Variants in FNIP1 observed in about 807,000 individuals in gnomAD.
FNIP1 encodes folliculin interacting protein 1.
A neutral mutation model predicts 124.5 loss-of-function variants in FNIP1; 40 were observed. The observed-to-expected ratio is 0.32, with a 90% CI of 0.25 to 0.42. The LOEUF (loss-of-function observed/expected upper bound fraction) is 0.42, where lower values mean the gene tolerates loss of function less well. Among genes scored for constraint, FNIP1 ranks in the 10% least tolerant of loss-of-function variants. The probability of loss-of-function intolerance (pLI) is 1.00; values close to 1 mark genes in which losing one functional copy is unlikely to be tolerated. For synonymous variants in FNIP1, 472 were observed against 470.6 expected (o/e 1.00, Z -0.04); for missense variants, 1,176 against 1,403.7 (o/e 0.84, Z 2.59).
At chr5:131,794,229 T>TA (rs60617618) in intron 1 of FNIP1, among the ~76,000 whole-genome samples, 1,967 of 48,350 alleles carry the variant, frequency 0.041, 83 homozygotes, top group Non-Finnish European at 0.062. Context: ...AGACTCCATC[T>TA]AAAAAAAAAA....
At chr5:131,721,622 C>A (rs929305292) in intron 3 of FNIP1, among the ~76,000 whole-genome samples, 2 of 152,106 alleles carry the variant, frequency 1.3e-5, no homozygotes, top group Non-Finnish European at 1.5e-5. Flanking sequence ...CATGGTGAAA[C>A]CCCATCTCTG....
chr5:131,735,454 A>ATTTTATATATATAT (rs59744675), intron 2 of FNIP1, among the ~76,000 whole-genome samples: 145,929 of 147,474 alleles, frequency 0.99, 72,208 homozygotes, highest in East Asian at 1. Context: ...AACTTAAAGT[A>ATTTTATATATATAT]TTTTATATAT....
intron 11 of FNIP1, among the ~76,000 whole-genome samples, chr5:131,684,700 A>C (rs1026694263): frequency 1.1e-4 from 16 of 152,228 alleles, no homozygotes; most frequent in African/African-American, 3.9e-4. Flanking sequence ...AAAATCTAAA[A>C]GCAAGATCAG....
At chr5:131,767,376 C>T (rs1056411241) in intron 1 of FNIP1, among the ~76,000 whole-genome samples, 3 of 130,974 alleles carry the variant, frequency 2.3e-5, no homozygotes, top group African/African-American at 8.5e-5. Context: ...CTGCAGTAAG[C>T]CAAGATTGCA....
chr5:131,697,781 C>G (rs1333988097), intron 11 of FNIP1, among the ~76,000 whole-genome samples: 1 of 151,470 alleles, frequency 6.6e-6, no homozygotes, highest in East Asian at 1.9e-4. Context: ...GCCTGGCCAA[C>G]ATGGTGAAAC....
intron 1 of FNIP1, among the ~76,000 whole-genome samples, chr5:131,755,701 C>G (rs1023965566): frequency 6.6e-5 from 10 of 151,852 alleles, no homozygotes; most frequent in Non-Finnish European, 1.3e-4. Context: ...CATGGTAAAG[C>G]ACTGTTACAA....
intron 8 of FNIP1, 115 bp from the exon 9 acceptor site, chr5:131,706,661 CT>C: frequency 9.2e-7 from 1 of 1,090,678 alleles, no homozygotes; most frequent in South Asian, 2.3e-5. Context: ...CTTCATGAGC[CT>C]CAAAAATGTT....
chr5:131,647,000 C>A, intron 17 of FNIP1, 90 bp downstream of exon 17: 1 of 1,093,934 alleles, frequency 9.1e-7, no homozygotes, highest in Non-Finnish European at 1.4e-6. Flanking sequence ...GGAGAAGACA[C>A]GTAAAAGGAA....
chr5:131,786,331 T>C (rs1393457619), intron 1 of FNIP1, among the ~76,000 whole-genome samples: 1 of 152,168 alleles, frequency 6.6e-6, no homozygotes. Flanking sequence ...AGTATTAATA[T>C]AGATATATAA....
intron 2 of FNIP1, among the ~76,000 whole-genome samples, chr5:131,737,917 A>C (rs914167110): frequency 3.9e-5 from 6 of 152,196 alleles, no homozygotes; most frequent in African/African-American, 1.4e-4. Context: ...GGCACCAGGC[A>C]CCAGTTTCGT....
intron 8 of FNIP1, among the ~76,000 whole-genome samples, chr5:131,707,793 A>C (rs970817116): frequency 1.8e-4 from 28 of 152,292 alleles, no homozygotes; most frequent in African/African-American, 6.7e-4. Context: ...CATTAACTTA[A>C]ATGGCATATA....
intron 1 of FNIP1, among the ~76,000 whole-genome samples, chr5:131,771,698 C>T (rs958630363): frequency 3.3e-5 from 5 of 152,188 alleles, no homozygotes; most frequent in African/African-American, 1.2e-4. Flanking sequence ...TCCACGTCTA[C>T]AGAGTTGATC....
intron 1 of FNIP1, among the ~76,000 whole-genome samples, chr5:131,773,747 A>G (rs576138305): frequency 2.0e-5 from 3 of 152,320 alleles, no homozygotes; most frequent in Admixed American, 2.0e-4. Flanking sequence ...CTATCTCAAC[A>G]TAAGTTTACT....
chr5:131,763,864 A>G (rs1332151356), intron 1 of FNIP1, among the ~76,000 whole-genome samples: 2 of 152,118 alleles, frequency 1.3e-5, no homozygotes, highest in Non-Finnish European at 2.9e-5. Flanking sequence ...ATTCCTAACC[A>G]TTTCTAGTAA....
chr5:131,661,200 C>G (rs546300112), intron 15 of FNIP1, among the ~76,000 whole-genome samples: 1 of 142,214 alleles, frequency 7.0e-6, no homozygotes, highest in South Asian at 2.2e-4. Flanking sequence ...GGGAGACCTT[C>G]TGTCCGTCTT....
intron 7 of FNIP1, 66 bp from the exon 8 acceptor site, chr5:131,709,338 T>C: frequency 7.4e-7 from 1 of 1,360,436 alleles, no homozygotes; most frequent in Non-Finnish European, 1.0e-6. Context: ...AACAGCTCCT[T>C]TTAAATAGCA....
At chr5:131,719,279 A>T (rs773772750) in intron 4 of FNIP1, 38 bp downstream of exon 4, 2 of 1,564,914 alleles carry the variant, frequency 1.3e-6, no homozygotes. Flanking sequence ...AATATCTAAA[A>T]ATGGGACTCG....
intron 2 of FNIP1, among the ~76,000 whole-genome samples, chr5:131,735,334 A>G (rs2149553630): frequency 6.6e-6 from 1 of 152,174 alleles, no homozygotes; most frequent in East Asian, 1.9e-4. Flanking sequence ...GGGGAGGAAC[A>G]GCATTAGGAG....
chr5:131,782,128 T>C (rs1021067919), intron 1 of FNIP1, among the ~76,000 whole-genome samples: 9 of 151,966 alleles, frequency 5.9e-5, no homozygotes, highest in African/African-American at 2.2e-4. Context: ...CATTCCAGCC[T>C]AGGCGACATG....
Sources: allele counts gnomAD v4.1 joint callset (sites outside exome capture counted in the v4.1 genomes callset), GRCh38; gene constraint gnomAD v4.1.1; transcripts MANE v1.5; gene names NCBI Gene and HGNC (gene_info 2026-07-23, HGNC 2026-07-21).